Variants in UBE2D2 observed in about 807,000 individuals in gnomAD.
UBE2D2 encodes ubiquitin-conjugating enzyme E2 D2.
UBE2D2 carries 2 observed loss-of-function variants against 24.2 expected under a neutral mutation model. The observed-to-expected ratio is 0.08, with a 90% CI of 0.03 to 0.26. The LOEUF (loss-of-function observed/expected upper bound fraction) is 0.26, where lower values mean the gene tolerates loss of function less well. UBE2D2 is among the 10% of genes least tolerant of loss of function. The pLI is 1.00. For missense variants in UBE2D2, 44 were observed against 177.6 expected, an observed-to-expected ratio of 0.25 and a Z score of 4.28; for synonymous variants, 58 against 56.5, an observed-to-expected ratio of 1.03 and a Z score of -0.12.
At position 139,561,832 on chromosome 5, in the gene UBE2D2, C is replaced by T; in HGVS notation, c.24+17C>T. 2.7e-6 allele frequency: 4 copies of T among 1,486,434 alleles called. No individual in the cohort carries two copies. The highest frequency in any genetic ancestry group is 3.6e-6 in the Non-Finnish European group (4 of 1,123,732). 92.1% of individuals were successfully genotyped at this position (1,486,434 alleles called of 1,614,324 possible). ...ATCCACAAGGTAAGCGGCCGGAGGT[C>T]GGCTGCGCTGCTGGCCAGCTGAGCA... On this transcript the variant is annotated intron_variant, in intron 1 of 6. Transcript: ENST00000398733.
At position 139,627,097 on chromosome 5, in the gene UBE2D2, A is replaced by G. The variant is rs543471835; in HGVS notation, c.*296A>G. On this transcript the variant is annotated 3_prime_UTR_variant, in exon 7 of 7. Transcript: ENST00000398733. Reference sequence around the variant, plus strand: ...GCTTTTCTTATTGACTTAAATTTGGATAACAGCAAGGTGTGAGGGGGGTGG... The same window carrying G: ...GCTTTTCTTATTGACTTAAATTTGGGTAACAGCAAGGTGTGAGGGGGGTGG... The G allele has an allele frequency of 6.3e-6, 2 of 315,522 alleles. No individual in the cohort carries two copies. Among genetic ancestry groups the G allele is most frequent in the Admixed American group, 4.8e-5 (1 of 20,648 alleles). 19.5% of individuals were successfully genotyped at this position (315,522 alleles called of 1,614,324 possible). A position where few individuals can be genotyped will look rare whatever the true frequency, so the allele number is the denominator to read the frequency against.
At chr5:139,530,913 C>T (rs931153333) in intron 1 of UBE2D2, among the ~76,000 whole-genome samples, 6 of 152,160 alleles carry the variant, frequency 3.9e-5, no homozygotes, top group African/African-American at 1.4e-4. Context: ...TTGTCTTATA[C>T]CTGTATTTCT....
chr5:139,547,723 C>T (rs1031186376), intron 1 of UBE2D2, among the ~76,000 whole-genome samples: 2 of 151,560 alleles, frequency 1.3e-5, no homozygotes, highest in African/African-American at 4.8e-5. Context: ...GAGACGGAGT[C>T]TCGCTCTGTT....
chr5:139,619,395 C>CAAA (rs372029230), intron 5 of UBE2D2, among the ~76,000 whole-genome samples: 1 of 109,364 alleles, frequency 9.1e-6, no homozygotes, highest in Non-Finnish European at 1.9e-5. Context: ...GAGTCTGTCT[C>CAAA]AAAAAAAAAA....
rs371370988 is a variant in UBE2D2 at position 139,609,376 on chromosome 5, CT to C, written c.89-5199del. 2.9e-4 allele frequency among the ~76,000 whole-genome samples: 43 copies of C among 146,254 alleles called. 1 individual carries two copies. Among genetic ancestry groups the C allele is most frequent in the South Asian group, 6.5e-4 (3 of 4,584 alleles). On this transcript the variant is annotated intron_variant, in intron 2 of 6. Coordinates refer to ENST00000398733, the MANE Select transcript of UBE2D2 (RefSeq NM_003339.3). ...TGGACAACATAGTGAGACCCCATCT[CT>C]TTTTTTTTTTGAGATGGAGTTTCGC... is the stretch of plus-strand genomic sequence containing the variant.
At chr5:139,574,120 G>C (rs921084528) in intron 1 of UBE2D2, among the ~76,000 whole-genome samples, 4 of 135,804 alleles carry the variant, frequency 2.9e-5, no homozygotes, top group African/African-American at 1.1e-4. Context: ...CGTTCTTGTT[G>C]CCCAGGCTGG....
chr5:139,585,243 C>T (rs1277437534), intron 1 of UBE2D2, among the ~76,000 whole-genome samples: 2 of 150,226 alleles, frequency 1.3e-5, no homozygotes, highest in African/African-American at 2.5e-5. Context: ...GAGTTTTACC[C>T]CATCCCCCAA....
chr5:139,592,312 C>T (rs555388184), intron 1 of UBE2D2, among the ~76,000 whole-genome samples: 1 of 152,230 alleles, frequency 6.6e-6, no homozygotes, highest in East Asian at 1.9e-4. Context: ...CCGTGCTTTC[C>T]CCTCAAATCT....
intron 5 of UBE2D2, among the ~76,000 whole-genome samples, chr5:139,619,034 A>C (rs1238940696): frequency 6.6e-6 from 1 of 152,240 alleles, no homozygotes; most frequent in African/African-American, 2.4e-5. Context: ...AGGGAAGCAG[A>C]TAAGTGTGCC....
At chr5:139,554,538 G>C (rs553854801) in intron 1 of UBE2D2, among the ~76,000 whole-genome samples, 1 of 152,286 alleles carries the variant, frequency 6.6e-6, no homozygotes, top group East Asian at 1.9e-4. Context: ...GTGTTCCATT[G>C]TTTGAATGTG....
intron 1 of UBE2D2, among the ~76,000 whole-genome samples, chr5:139,594,018 T>G (rs150419579): frequency 9.8e-4 from 149 of 152,346 alleles, no homozygotes; most frequent in African/African-American, 3.4e-3. Context: ...TTCAGACTAC[T>G]AAAACTTGAC....
chr5:139,544,669 T>A (rs1423331067), intron 1 of UBE2D2, among the ~76,000 whole-genome samples: 1 of 152,046 alleles, frequency 6.6e-6, no homozygotes, highest in African/African-American at 2.4e-5. Context: ...AACCTTTTAT[T>A]GAGGTATAAC....
intron 6 of UBE2D2, among the ~76,000 whole-genome samples, chr5:139,626,263 T>A (rs1754626592): frequency 6.6e-6 from 1 of 151,882 alleles, no homozygotes; most frequent in South Asian, 2.1e-4. Flanking sequence ...AGAGACAGGG[T>A]TTTATCATGT....
At chr5:139,532,445 C>T (rs1349180987) in intron 1 of UBE2D2, among the ~76,000 whole-genome samples, 6 of 151,690 alleles carry the variant, frequency 4.0e-5, no homozygotes, top group East Asian at 3.9e-4. Flanking sequence ...TCCGCCTCCT[C>T]GGTTCACGCC....
At chr5:139,534,072 C>T (rs1030322535) in intron 1 of UBE2D2, among the ~76,000 whole-genome samples, 6 of 151,054 alleles carry the variant, frequency 4.0e-5, no homozygotes, top group African/African-American at 4.9e-5. Flanking sequence ...TGAGCCACCG[C>T]GCCTGGCAAA....
At chr5:139,618,909 A>G (rs967037362) in intron 5 of UBE2D2, among the ~76,000 whole-genome samples, 6 of 152,324 alleles carry the variant, frequency 3.9e-5, no homozygotes, top group African/African-American at 1.4e-4. Flanking sequence ...TTCCTTTAAC[A>G]TATAGTCTGT....
chr5:139,607,707 A>G (rs553301460), intron 2 of UBE2D2, among the ~76,000 whole-genome samples: 35 of 152,328 alleles, frequency 2.3e-4, no homozygotes, highest in African/African-American at 7.9e-4. Context: ...AAAAGTTCAC[A>G]ATAATGTAAG....
intron 1 of UBE2D2, among the ~76,000 whole-genome samples, chr5:139,550,559 C>A (rs371352919): frequency 2.0e-5 from 3 of 152,142 alleles, no homozygotes; most frequent in African/African-American, 7.2e-5. Context: ...AGGTTCTCTT[C>A]CACGCTCACG....
intron 2 of UBE2D2, among the ~76,000 whole-genome samples, chr5:139,604,171 G>C (rs1284479976): frequency 8.5e-5 from 12 of 141,266 alleles, no homozygotes; most frequent in African/African-American, 2.7e-4. Context: ...ACGGAATCTC[G>C]CTTTTGTCAC....
Sources: gnomAD v4.1 joint callset for allele counts (sites outside exome capture counted in the v4.1 genomes callset) on GRCh38, gnomAD v4.1.1 for gene constraint, MANE v1.5 for transcripts, NCBI Gene and HGNC (gene_info 2026-07-23, HGNC 2026-07-21) for gene names.